ADGB: variants seen among roughly 807,000 people sequenced by gnomAD.
The protein encoded by ADGB is calpain-7-like protein.
Under a neutral mutation model 210.5 loss-of-function variants are expected in ADGB, and 172 were observed. The ratio of observed to expected loss-of-function variants is 0.82; its 90% CI spans 0.72 to 0.93. ADGB has a LOEUF of 0.93. Among genes scored for constraint, ADGB ranks in the 40% least tolerant of loss-of-function variants. The probability of loss-of-function intolerance (pLI) is 0.00; values close to 1 mark genes in which losing one functional copy is unlikely to be tolerated. For synonymous variants in ADGB, 658 were observed against 662.7 expected (o/e 0.99, Z 0.11); for missense variants, 2,025 against 1,964.8 (o/e 1.03, Z -0.58).
intron 13 of ADGB, among the ~76,000 whole-genome samples, chr6:146,703,946 C>T (rs1776531343): frequency 6.6e-6 from 1 of 151,746 alleles, no homozygotes; most frequent in Non-Finnish European, 1.5e-5. Context: ...TACAAGGTTT[C>T]CCTTATTTCC....
rs1173581575 is a variant in ADGB at position 146,786,263 on chromosome 6, C to T, written c.4315+551C>T. 4.0e-5 allele frequency among the ~76,000 whole-genome samples: 6 copies of T among 149,590 alleles called. No homozygotes were observed. In the East Asian group the frequency reaches 1.2e-3, roughly 29 times the overall value. On this transcript the variant is annotated intron_variant, in intron 32 of 35. Transcript: ENST00000397944. Reference sequence around the variant, plus strand: ...CAATAAGGACACAGGCACCAGAGACCCTCAGTAATAGTCTAAGTTCAGGGC... The same window carrying T: ...CAATAAGGACACAGGCACCAGAGACTCTCAGTAATAGTCTAAGTTCAGGGC...
In ADGB at chr6:146,665,761, A is replaced by G. The variant is rs192421108; in HGVS notation, c.753-1055A>G. On this transcript the variant is annotated intron_variant, in intron 6 of 35. Transcript: ENST00000397944. ...CTGGTGGAAAGTTTCCCTACATGGT[A>G]CAATTTATATTTTTCCATAATTTTT... 1.2e-3 allele frequency among the ~76,000 whole-genome samples: 178 copies of G among 152,222 alleles called. 1 individual carries two copies. Among genetic ancestry groups the G allele is most frequent in the African/African-American group, 4.2e-3 (176 of 41,568 alleles).
At chr6:146,809,830 T>A (rs377127852) in intron 35 of ADGB, among the ~76,000 whole-genome samples, 1 of 152,204 alleles carries the variant, frequency 6.6e-6, no homozygotes, top group Non-Finnish European at 1.5e-5. Flanking sequence ...AAGATTTAAA[T>A]GTAACATTGG....
chr6:146,677,567 TAGTG>T, intron 9 of ADGB, among the ~76,000 whole-genome samples: 1 of 152,316 alleles, frequency 6.6e-6, no homozygotes. Context: ...TATTTTTTGA[TAGTG>T]AGAAACATTA....
intron 6 of ADGB, among the ~76,000 whole-genome samples, chr6:146,664,854 A>G (rs1193751344): frequency 6.6e-6 from 1 of 152,084 alleles, no homozygotes; most frequent in Non-Finnish European, 1.5e-5. Context: ...TATTTTCTTC[A>G]GTATTCTTAC....
At chr6:146,764,482 G>T (rs1357353081) in intron 28 of ADGB, among the ~76,000 whole-genome samples, 1 of 151,628 alleles carries the variant, frequency 6.6e-6, no homozygotes, top group Admixed American at 6.6e-5. Context: ...ACAATTAAAG[G>T]GAAAAAAGAT....
chr6:146,781,454 A>C (rs911468139), intron 29 of ADGB, among the ~76,000 whole-genome samples: 1 of 150,662 alleles, frequency 6.6e-6, no homozygotes, highest in African/African-American at 2.4e-5. Context: ...AGAAATTAAG[A>C]AATTCTTAGA....
intron 8 of ADGB, 136 bp from the exon 9 acceptor site, chr6:146,676,177 T>C (rs1417844903): frequency 9.2e-6 from 7 of 764,082 alleles, no homozygotes; most frequent in Non-Finnish European, 1.3e-5. Flanking sequence ...GATCATGTTT[T>C]GGAGAAATTA....
intron 23 of ADGB, among the ~76,000 whole-genome samples, chr6:146,739,757 A>G (rs1314402761): frequency 6.6e-6 from 1 of 152,192 alleles, no homozygotes; most frequent in African/African-American, 2.4e-5. Flanking sequence ...CATCATATAA[A>G]GGGCCTTATA....
chr6:146,642,748 G>A (rs903043975), intron 2 of ADGB, among the ~76,000 whole-genome samples: 8 of 151,772 alleles, frequency 5.3e-5, no homozygotes, highest in African/African-American at 1.9e-4. Flanking sequence ...AACAGACACT[G>A]GGATCTACTT....
chr6:146,722,168 C>G (rs1168808661), intron 17 of ADGB, among the ~76,000 whole-genome samples: 1 of 151,986 alleles, frequency 6.6e-6, no homozygotes, highest in African/African-American at 2.4e-5. Context: ...TTCCTCTATC[C>G]CACCTTGGTC....
chr6:146,706,853 T>TTC (rs1392739691), intron 13 of ADGB, among the ~76,000 whole-genome samples: 3 of 150,612 alleles, frequency 2.0e-5, no homozygotes, highest in Non-Finnish European at 4.4e-5. Context: ...GTGTTTTTTT[T>TTC]TTTTTTTTTA....
intron 33 of ADGB, among the ~76,000 whole-genome samples, 168 bp from the exon 34 acceptor site, chr6:146,801,015 A>G (rs1195734729): frequency 6.6e-6 from 1 of 151,672 alleles, no homozygotes; most frequent in Non-Finnish European, 1.5e-5. Context: ...ACAAAATATA[A>G]GCATATAATT....
At chr6:146,693,263 G>A (rs1050384352) in intron 12 of ADGB, among the ~76,000 whole-genome samples, 1 of 152,136 alleles carries the variant, frequency 6.6e-6, no homozygotes, top group African/African-American at 2.4e-5. Flanking sequence ...TGATAAGGCA[G>A]GGGTACTGAT....
At chr6:146,617,313 A>G (rs536089745) in intron 1 of ADGB, among the ~76,000 whole-genome samples, 2 of 152,122 alleles carry the variant, frequency 1.3e-5, no homozygotes, top group African/African-American at 2.4e-5. Flanking sequence ...ACTTTCCTGA[A>G]TTCATTTTTC....
chr6:146,789,823 A>G (rs1245351554), intron 33 of ADGB, among the ~76,000 whole-genome samples: 1 of 152,194 alleles, frequency 6.6e-6, no homozygotes, highest in East Asian at 1.9e-4. Flanking sequence ...GAATTGGCAA[A>G]TAACTCACCC....
At chr6:146,681,741 T>A (rs1297225224) in intron 9 of ADGB, among the ~76,000 whole-genome samples, 4 of 152,162 alleles carry the variant, frequency 2.6e-5, no homozygotes, top group Non-Finnish European at 5.9e-5. Flanking sequence ...AAAAGTCTTT[T>A]ACTTTTCAGC....
At position 146,784,720 on chromosome 6, in the gene ADGB, G is replaced by T. The variant is rs1777848824; in HGVS notation, c.4138G>T (p.Asp1380Tyr). 1.9e-6 allele frequency: 3 copies of T among 1,551,012 alleles called. No homozygotes were observed. Among genetic ancestry groups the T allele is most frequent in the Non-Finnish European group, 2.6e-6 (3 of 1,146,694 alleles). The change falls in exon 31 of 36, where the codon GAT (aspartate) becomes TAT (tyrosine). Residue 1380 changes from aspartate (D) to tyrosine (Y), a missense_variant. Physicochemically the swap from Asp to Tyr is radical, Grantham distance 160. Coordinates refer to ENST00000397944, the MANE Select transcript of ADGB (RefSeq NM_024694.4). ...NESELFEVKK[D>Y]TERADEIRAM... ...ATCAGAATTATTTGAAGTGAAAAAG[G>T]ATACAGAAAGGGCAGATGAAATCCG...
At chr6:146,631,210 C>G (rs1036683726) in intron 1 of ADGB, among the ~76,000 whole-genome samples, 5 of 152,138 alleles carry the variant, frequency 3.3e-5, no homozygotes, top group South Asian at 2.1e-4. Context: ...GCTACAGTAT[C>G]GAAAAACCAA....
Sources: gnomAD v4.1 joint callset for allele counts (sites outside exome capture counted in the v4.1 genomes callset) on GRCh38, gnomAD v4.1.1 for gene constraint, MANE v1.5 for transcripts, NCBI Gene and HGNC (gene_info 2026-07-23, HGNC 2026-07-21) for gene names.